The following ENTREP2 variants were observed in gnomAD, a reference collection of about 807,000 sequenced individuals.
ENTREP2 encodes the protein endosomal transmembrane epsin interactor 2, also known as protein ENTREP2.
the ENTREP2 span, among the ~76,000 whole-genome samples, chr15:29,553,452 G>A: frequency 2.6e-5 from 4 of 152,130 alleles, no homozygotes; most frequent in South Asian, 2.1e-4. Context: ...AAAAATACAC[G>A]AGAATTACCA....
At chr15:29,579,083 A>G in the ENTREP2 span, among the ~76,000 whole-genome samples, 1 of 152,222 alleles carries the variant, frequency 6.6e-6, no homozygotes, top group Non-Finnish European at 1.5e-5. Context: ...TATGAAAATT[A>G]TGAGTCAAGC....
the ENTREP2 span, among the ~76,000 whole-genome samples, chr15:29,628,699 G>T: frequency 6.6e-6 from 1 of 152,136 alleles, no homozygotes; most frequent in African/African-American, 2.4e-5. Context: ...TCTGTCCTTT[G>T]GTGTTTGGTA....
the ENTREP2 span, among the ~76,000 whole-genome samples, chr15:29,517,488 T>G: frequency 1.2e-4 from 18 of 152,124 alleles, no homozygotes; most frequent in Middle Eastern, 3.2e-3. Context: ...CCTGCACTAA[T>G]GTCCTCTGCG....
chr15:29,357,711 C>A, the ENTREP2 span, among the ~76,000 whole-genome samples: 1 of 152,002 alleles, frequency 6.6e-6, no homozygotes, highest in East Asian at 1.9e-4. Flanking sequence ...TGGTGGCGGG[C>A]GCCTGTAGTC....
At chr15:29,174,746 G>A in the ENTREP2 span, among the ~76,000 whole-genome samples, 1 of 151,392 alleles carries the variant, frequency 6.6e-6, no homozygotes, top group East Asian at 1.9e-4. Flanking sequence ...ACCTCATACT[G>A]GGAACTATAA....
chr15:29,644,508 A>T, the ENTREP2 span, among the ~76,000 whole-genome samples: 1 of 152,228 alleles, frequency 6.6e-6, no homozygotes, highest in East Asian at 1.9e-4. Context: ...TCATCATCAC[A>T]GAAGTGAGTC....
chr15:29,603,635 TAA>T, the ENTREP2 span, among the ~76,000 whole-genome samples: 2 of 152,052 alleles, frequency 1.3e-5, no homozygotes, highest in Non-Finnish European at 1.5e-5. Flanking sequence ...TTTATTTAAT[TAA>T]TTAATTTATT....
the ENTREP2 span, among the ~76,000 whole-genome samples, chr15:29,366,314 A>C: frequency 4.6e-5 from 7 of 152,256 alleles, no homozygotes; most frequent in African/African-American, 1.7e-4. Flanking sequence ...GTCTCAGGTG[A>C]TCCACCCGCC....
At chr15:29,443,378 G>A in the ENTREP2 span, among the ~76,000 whole-genome samples, 2 of 152,162 alleles carry the variant, frequency 1.3e-5, no homozygotes, top group South Asian at 4.1e-4. Flanking sequence ...AAGATGCCCG[G>A]CGTTCCAAAA....
the ENTREP2 span, among the ~76,000 whole-genome samples, chr15:29,306,664 A>AT: frequency 3.2e-3 from 244 of 77,302 alleles, 35 homozygotes; most frequent in Non-Finnish European, 5.0e-3. Flanking sequence ...ATAATTGGTA[A>AT]TTTTTTTTTT....
chr15:29,172,294 T>G, the ENTREP2 span, among the ~76,000 whole-genome samples: 2 of 152,212 alleles, frequency 1.3e-5, no homozygotes, highest in Admixed American at 6.5e-5. Context: ...GGACAGTAAT[T>G]TATTGAGTAA....
At chr15:29,411,103 C>A in the ENTREP2 span, among the ~76,000 whole-genome samples, 1 of 152,184 alleles carries the variant, frequency 6.6e-6, no homozygotes, top group Non-Finnish European at 1.5e-5. Context: ...ATTAATATCC[C>A]ATTCTTCTGC....
the ENTREP2 span, among the ~76,000 whole-genome samples, chr15:29,225,210 G>A: frequency 6.6e-6 from 1 of 152,246 alleles, no homozygotes; most frequent in African/African-American, 2.4e-5. Flanking sequence ...GCAGCAGCGG[G>A]CTGAAGGGCT....
At chr15:29,432,590 T>C in the ENTREP2 span, among the ~76,000 whole-genome samples, 1 of 152,194 alleles carries the variant, frequency 6.6e-6, no homozygotes, top group African/African-American at 2.4e-5. Flanking sequence ...ATCAGGACCC[T>C]GGGTCCCCAG....
At chr15:29,314,279 G>A in the ENTREP2 span, among the ~76,000 whole-genome samples, 1 of 152,206 alleles carries the variant, frequency 6.6e-6, no homozygotes, top group African/African-American at 2.4e-5. Context: ...TCTACTGTGG[G>A]TAAAACGCTA....
chr15:29,582,327 A>T, the ENTREP2 span, among the ~76,000 whole-genome samples: 2 of 152,240 alleles, frequency 1.3e-5, no homozygotes, highest in African/African-American at 4.8e-5. Context: ...TGAATCATGG[A>T]CGGACTTACA....
the ENTREP2 span, among the ~76,000 whole-genome samples, chr15:29,653,427 T>C: frequency 8.1e-4 from 123 of 152,146 alleles, no homozygotes; most frequent in Non-Finnish European, 2.5e-4. Flanking sequence ...CCACCCAAAA[T>C]TTCATTTTGA....
chr15:29,245,948 G>T, the ENTREP2 span, among the ~76,000 whole-genome samples: 4 of 152,168 alleles, frequency 2.6e-5, no homozygotes, highest in Non-Finnish European at 5.9e-5. Flanking sequence ...GTGCACTCAT[G>T]CTCTGACTGC....
At chr15:29,383,294 C>A in the ENTREP2 span, among the ~76,000 whole-genome samples, 102 of 152,306 alleles carry the variant, frequency 6.7e-4, no homozygotes, top group African/African-American at 2.3e-3. Context: ...CAGCCTCCAC[C>A]TCAGAAGCCC....
Sources: allele counts gnomAD v4.1 joint callset (sites outside exome capture counted in the v4.1 genomes callset), GRCh38; gene constraint gnomAD v4.1.1; transcripts MANE v1.5; gene names NCBI Gene and HGNC (gene_info 2026-07-23, HGNC 2026-07-21).